ADAM10: variants seen among roughly 807,000 people sequenced by gnomAD.
ADAM10 encodes disintegrin and metalloproteinase domain-containing protein 10.
ADAM10 carries 17 observed loss-of-function variants against 90.1 expected under a neutral mutation model. The ratio of observed to expected loss-of-function variants is 0.19; its 90% confidence interval spans 0.13 to 0.28. ADAM10 has a LOEUF of 0.28. Among genes scored for constraint, ADAM10 ranks in the 10% least tolerant of loss-of-function variants. ADAM10 has a pLI of 1.00. For missense variants in ADAM10, 610 were observed against 914.3 expected (o/e 0.67, Z 4.29); for synonymous variants, 310 against 298.6 (o/e 1.04, Z -0.40).
intron 14 of ADAM10, chr15:58,609,394 ATGC>A (rs774037418): frequency 6.6e-6 from 1 of 152,170 alleles, no homozygotes; most frequent in Non-Finnish European, 1.5e-5. Context: ...ATCATTTTAA[ATGC>A]TGGGGTTAAC....
At chr15:58,627,610 G>GT in intron 10 of ADAM10, 90 bp downstream of exon 10, 1 of 1,116,642 alleles carries the variant, frequency 9.0e-7, no homozygotes. Flanking sequence ...AATGCAGGTG[G>GT]TGGGTATGTC....
chr15:58,720,985 G>T (rs1391273073), intron 1 of ADAM10, among the ~76,000 whole-genome samples: 1 of 152,186 alleles, frequency 6.6e-6, no homozygotes, highest in Non-Finnish European at 1.5e-5. Context: ...CGTCAAGCTG[G>T]TTTTTATTTC....
intron 1 of ADAM10, among the ~76,000 whole-genome samples, chr15:58,731,946 TAGACC>T (rs1285983480): frequency 6.6e-6 from 1 of 152,190 alleles, no homozygotes; most frequent in African/African-American, 2.4e-5. Flanking sequence ...CACTGTAACC[TAGACC>T]AGATTCAGAG....
chr15:58,729,826 G>A (rs144536467), intron 1 of ADAM10, among the ~76,000 whole-genome samples: 2 of 152,144 alleles, frequency 1.3e-5, no homozygotes, highest in Non-Finnish European at 2.9e-5. Context: ...GCCAGGAGTG[G>A]TGGCACACCC....
chr15:58,667,203 T>C (rs1288801803), intron 4 of ADAM10, among the ~76,000 whole-genome samples: 1 of 152,204 alleles, frequency 6.6e-6, no homozygotes, highest in African/African-American at 2.4e-5. Context: ...TTTAGATCTA[T>C]TGCCTTTCTT....
At chr15:58,688,784 A>ATC (rs1484154350) in intron 2 of ADAM10, among the ~76,000 whole-genome samples, 27 of 119,046 alleles carry the variant, frequency 2.3e-4, no homozygotes, top group Middle Eastern at 4.0e-3. Context: ...ATATATATAT[A>ATC]TATCTCTCTC....
At chr15:58,608,110 C>A (rs1383801548) in intron 14 of ADAM10, among the ~76,000 whole-genome samples, 2 of 152,140 alleles carry the variant, frequency 1.3e-5, no homozygotes, top group African/African-American at 4.8e-5. Context: ...GTTGTCAACA[C>A]AGAAAAGAAA....
At chr15:58,739,846 A>T (rs1204244616) in intron 1 of ADAM10, among the ~76,000 whole-genome samples, 1 of 152,250 alleles carries the variant, frequency 6.6e-6, no homozygotes, top group Non-Finnish European at 1.5e-5. Context: ...TATAGCTGAC[A>T]GCCAGTACCA....
At chr15:58,597,706 A>T in intron 15 of ADAM10, 65 bp from the exon 16 acceptor site, 1 of 1,570,904 alleles carries the variant, frequency 6.4e-7, no homozygotes, top group African/African-American at 1.3e-5. Context: ...TTTAAAAGCA[A>T]AGCTGCTGTT....
rs1895057365 is a variant in ADAM10 at position 58,599,727 on chromosome 15, A to G, written c.2026-3T>C. 6.2e-7 allele frequency: 1 copy of G among 1,603,090 alleles called. No homozygotes were observed. The highest frequency in any genetic ancestry group is 8.5e-7 in the Non-Finnish European group (1 of 1,178,354). Reference sequence around the variant, plus strand: ...AGTAATACTGCCCACCAATGAGCCTAGAAATAAACAGATTTTTCCACTGAA... The same window carrying G: ...AGTAATACTGCCCACCAATGAGCCTGGAAATAAACAGATTTTTCCACTGAA... On this transcript the variant is annotated splice_region_variant and splice_polypyrimidine_tract_variant and intron_variant, in intron 14 of 15. Transcript: ENST00000260408.
At chr15:58,739,339 T>C (rs867033693) in intron 1 of ADAM10, among the ~76,000 whole-genome samples, 32 of 143,336 alleles carry the variant, frequency 2.2e-4, no homozygotes, top group African/African-American at 7.5e-4. Context: ...ACCCCGTCTC[T>C]ACCAAAAATA....
chr15:58,680,287 TA>T (rs1264068332), intron 3 of ADAM10, among the ~76,000 whole-genome samples: 2 of 152,126 alleles, frequency 1.3e-5, no homozygotes, highest in Non-Finnish European at 2.9e-5. Flanking sequence ...CACCTCCAGC[TA>T]ATTTTTGTAT....
intron 4 of ADAM10, among the ~76,000 whole-genome samples, chr15:58,667,438 C>A (rs1297683212): frequency 6.6e-6 from 1 of 152,084 alleles, no homozygotes; most frequent in Non-Finnish European, 1.5e-5. Context: ...TACCCCTCAG[C>A]CTTATGTGAC....
intron 1 of ADAM10, among the ~76,000 whole-genome samples, chr15:58,723,801 T>C (rs1012859974): frequency 6.6e-6 from 1 of 151,736 alleles, no homozygotes; most frequent in Non-Finnish European, 1.5e-5. Flanking sequence ...AACATAACAT[T>C]GTAAAAACAC....
intron 5 of ADAM10, among the ~76,000 whole-genome samples, chr15:58,655,943 C>T (rs988132491): frequency 6.6e-6 from 1 of 151,038 alleles, no homozygotes; most frequent in Non-Finnish European, 1.5e-5. Flanking sequence ...GACAGGATTT[C>T]GCCATGTTGG....
chr15:58,719,935 C>T (rs1160089215), intron 1 of ADAM10, among the ~76,000 whole-genome samples: 2 of 152,100 alleles, frequency 1.3e-5, no homozygotes. Context: ...AATAAATTAT[C>T]CATCATCATC....
chr15:58,693,006 C>G (rs543119422), intron 2 of ADAM10: 1 of 781,116 alleles, frequency 1.3e-6, no homozygotes, highest in Admixed American at 1.8e-5. Context: ...CACCGTCCAA[C>G]TTGGAAGGGT....
At chr15:58,609,845 T>C (rs1895387350) in intron 14 of ADAM10, 1 of 185,650 alleles carries the variant, frequency 5.4e-6, no homozygotes, top group South Asian at 1.0e-4. Flanking sequence ...AAAGGCTGTG[T>C]ATCTGATCTT....
rs569386602 is a variant in ADAM10 at position 58,626,251 on chromosome 15, G to A, written c.1360+1449C>T. On this transcript the variant is annotated intron_variant, in intron 10 of 15. Transcript: ENST00000260408. ...TACAGTCTTGCAAGGCATTACCATC[G>A]GAGGGAACTGAGTGAAGGGTACAGG... Among the ~76,000 whole-genome samples the A allele has an allele frequency of 5.9e-5, 9 of 152,170 alleles. No individual in the cohort carries two copies. In the South Asian group the frequency reaches 1.9e-3, roughly 32 times the overall value.
Sources: allele counts gnomAD v4.1 joint callset (sites outside exome capture counted in the v4.1 genomes callset), GRCh38; gene constraint gnomAD v4.1.1; transcripts MANE v1.5; gene names NCBI Gene and HGNC (gene_info 2026-07-23, HGNC 2026-07-21).